DOCK6: variants seen among roughly 807,000 people sequenced by gnomAD.
DOCK6 encodes the protein dedicator of cytokinesis protein 6.
DOCK6 carries 167 observed loss-of-function variants against 230.3 expected under a neutral mutation model. That is an observed-to-expected ratio of 0.73 (90% CI 0.64 to 0.82). The LOEUF (loss-of-function observed/expected upper bound fraction) is 0.82, where lower values mean the gene tolerates loss of function less well. Ranked by LOEUF, DOCK6 falls within the 40% of genes least tolerant of loss-of-function variation. The probability of loss-of-function intolerance (pLI) is 0.00; values close to 1 mark genes in which losing one functional copy is unlikely to be tolerated. For synonymous variants in DOCK6, 1,148 were observed against 1,185.0 expected, an observed-to-expected ratio of 0.97 and a Z score of 0.64; for missense variants, 2,598 against 2,825.8, an observed-to-expected ratio of 0.92 and a Z score of 1.83.
intron 28 of DOCK6, among the ~76,000 whole-genome samples, chr19:11,218,471 A>AG (rs984955154): frequency 6.6e-6 from 1 of 151,800 alleles, no homozygotes; most frequent in Non-Finnish European, 1.5e-5. Flanking sequence ...TTTTTCAGAC[A>AG]GGATCTCACT....
chr19:11,227,407 C>A lies in DOCK6; in HGVS notation c.2885G>T (p.Gly962Val). Residue 962 changes from glycine to valine, a missense_variant, in exon 24 of 48, where the codon GGA becomes GTA. Physicochemically the swap from Gly to Val is moderately radical, Grantham distance 109. Coordinates refer to ENST00000294618, the MANE Select transcript of DOCK6 (RefSeq NM_020812.4). ...LDTPRKLRFPGRFLDDITALV... is the reference protein window; with the variant it reads ...LDTPRKLRFPVRFLDDITALV... The stretch of plus-strand genomic sequence containing the variant: ...GGCAGTGATGTCGTCCAGGAAGCGT[C>A]CGGGGAAGCGCAGCTTGCGGGGTGT... 6.2e-7 allele frequency: 1 copy of A among 1,613,676 alleles called. No homozygotes were observed. Among genetic ancestry groups the A allele is most frequent in the Non-Finnish European group, 8.5e-7 (1 of 1,179,846 alleles).
At chr19:11,216,200 A>C (rs1600875460) in intron 30 of DOCK6, 1 of 253,174 alleles carries the variant, frequency 3.9e-6, no homozygotes. Context: ...CAGGCAATCC[A>C]CCTCAGCCAC....
Position 11,200,510 on chromosome 19 carries a change from C to G in DOCK6, c.5940-41G>C, listed in dbSNP as rs184747709. The G allele has an allele frequency of 1.3e-6, 2 of 1,594,336 alleles. No individual in the cohort carries two copies. Among genetic ancestry groups the G allele is most frequent in the Admixed American group, 3.5e-5 (2 of 57,676 alleles). ...TGGGAGATGCTCAGAGACTCGCACA[C>G]GGGACTGAAAGCAAGACTAGGGGTG... On this transcript the variant is annotated intron_variant, in intron 46 of 47. Transcript: ENST00000294618. The surrounding 1 kb of genome is among the most constrained non-coding windows in gnomAD (Gnocchi z 4.3).
chr19:11,252,290 CCCCCAGGGGGT>C (rs774464238), intron 4 of DOCK6, 42 bp from the exon 5 acceptor site: 2 of 1,568,090 alleles, frequency 1.3e-6, no homozygotes, highest in Admixed American at 3.8e-5. Flanking sequence ...GGGCTGAGGG[CCCCCAGGGGGT>C]CCCCAGTGTG....
rs1361214278 is a variant in DOCK6, at chr19:11,259,909, A to G, written c.44+2488T>C. 2.6e-4 allele frequency among the ~76,000 whole-genome samples: 13 copies of G among 50,962 alleles called. No individual in the cohort carries two copies. In the South Asian group the frequency reaches 8.8e-3, roughly 34 times the overall value. 33.4% of individuals were successfully genotyped at this position (50,962 alleles called of 152,430 possible). Reference sequence around the variant, plus strand: ...TTTTTTTTTTTTTTTTTTGAGACAGAGTCTTACTCTGTCACCCAGGCTGGA... The same window carrying G: ...TTTTTTTTTTTTTTTTTTGAGACAGGGTCTTACTCTGTCACCCAGGCTGGA... On this transcript the variant is annotated intron_variant, in intron 1 of 47. Transcript: ENST00000294618.
Position 11,212,865 on chromosome 19 carries a change from C to CTT in DOCK6, c.4491+309_4491+310dup, listed in dbSNP as rs34049310. Among the ~76,000 whole-genome samples, 383 of 104,458 alleles carry CTT rather than the reference C, an allele frequency of 3.7e-3. 2 individuals are homozygous for CTT. The highest frequency in any genetic ancestry group is 0.016 in the Middle Eastern group (3 of 182). The allele number at this position is 104,458 out of a possible 152,430, so 68.5% of individuals were successfully genotyped here. ...CAGGCATGAGCCACTGTGCCTGGCC[C>CTT]TTTTTTTTTTTTTTTTTTTTTTATT... On this transcript the variant is annotated intron_variant, in intron 35 of 47. Transcript: ENST00000294618.
At chr19:11,210,413 C>A (rs143781802) in intron 37 of DOCK6, among the ~76,000 whole-genome samples, 1 of 149,266 alleles carries the variant, frequency 6.7e-6, no homozygotes, top group East Asian at 2.1e-4. Flanking sequence ...CATCCCTTCA[C>A]CTGTCTCCTT....
chr19:11,223,218 C>G (rs569783776), intron 24 of DOCK6, 112 bp from the exon 25 acceptor site: 1 of 964,900 alleles, frequency 1.0e-6, no homozygotes, highest in Admixed American at 2.6e-5. Context: ...TGCCCCAAAG[C>G]CTTTGTCTGT....
chr19:11,243,345 G>C lies in DOCK6; in HGVS notation c.1299C>G (p.Pro433=). The change falls in exon 12 of 48, where the codon CCC becomes CCG. Residue 433 remains proline, a synonymous_variant. Transcript: ENST00000294618. This position sits in a 1 kb window ranked among gnomAD's most constrained non-coding sequence, Gnocchi z 6.3. ...CGTCCCCACTACTCGCCCGGTCCTG[G>C]GGCCCCCGACGGCGGCGGTCTGTCC... ...PAWTDRRRRG[P]QDRASSGDDA... 1.2e-6 allele frequency: 2 copies of C among 1,600,106 alleles called. No individual in the cohort carries two copies. Among genetic ancestry groups the C allele is most frequent in the Non-Finnish European group, 1.7e-6 (2 of 1,174,048 alleles).
chr19:11,202,317 G>T lies in DOCK6; in HGVS notation c.5451+77C>A, dbSNP rs2079182897. On this transcript the variant is annotated intron_variant, in intron 43 of 47. Transcript: ENST00000294618. This position sits in a 1 kb window ranked among gnomAD's most constrained non-coding sequence, Gnocchi z 5.3. Reference sequence around the variant, plus strand: ...GATTTGGGGTTTCCCAGAGAAAGAGGATTTGAGGGTCCCCAGGAAACAGCA... The same window carrying T: ...GATTTGGGGTTTCCCAGAGAAAGAGTATTTGAGGGTCCCCAGGAAACAGCA... 3.9e-6 allele frequency: 6 copies of T among 1,529,158 alleles called. No homozygotes were observed. The East Asian group carries it at 1.2e-4, about 30-fold the overall frequency. 94.7% of individuals were successfully genotyped at this position (1,529,158 alleles called of 1,614,324 possible).
rs1166743447 is a variant in DOCK6, at chr19:11,201,033, TC to T, written c.5707del (p.Glu1903ArgfsTer36). ...CTTCTGCATGTCCTCGATGGCCACC[TC>T]CACTGGCGTCAGCACCGTCTGTGGG... ...HREETVLTPV[E>X]VAIEDMQKKT... is the part of the protein sequence containing the mutation. On this transcript the variant is annotated frameshift_variant, in exon 45 of 48. Transcript: ENST00000294618. LOFTEE classifies it high-confidence loss of function. The surrounding 1 kb of genome is among the most constrained non-coding windows in gnomAD (Gnocchi z 4.3). The T allele has an allele frequency of 6.2e-7, 1 of 1,613,774 alleles. No homozygotes were observed. Among genetic ancestry groups the T allele is most frequent in the South Asian group, 1.1e-5 (1 of 91,048 alleles).
Position 11,223,007 on chromosome 19 carries a change from C to A in DOCK6, c.3055G>T (p.Ala1019Ser), listed in dbSNP as rs1478403866. The A allele has an allele frequency of 6.2e-7, 1 of 1,613,744 alleles. No homozygotes were observed. Among genetic ancestry groups the A allele is most frequent in the South Asian group, 1.1e-5 (1 of 91,070 alleles). Residue 1019 changes from alanine (A) to serine (S), a missense_variant, in exon 25 of 48, where the codon GCC becomes TCC. Physicochemically the swap from Ala to Ser is moderately conservative, Grantham distance 99. Transcript: ENST00000294618. Reference protein sequence around the residue: ...DRGFVFSLVRAHYKQVATRLQ... With the variant: ...DRGFVFSLVRSHYKQVATRLQ... ...CCCACTCCTACCTGCTTGTAGTGGG[C>A]CCGGACCAGGCTGAAGACAAAGCCC...
chr19:11,200,172 C>T lies in DOCK6; in HGVS notation c.6101+136G>A, dbSNP rs2079144828. 8 of 942,278 alleles carry T rather than the reference C, an allele frequency of 8.5e-6. No individual in the cohort carries two copies. In the Admixed American group the frequency reaches 1.2e-4, roughly 15 times the overall value. The allele number at this position is 942,278 out of a possible 1,614,324, so 58.4% of individuals were successfully genotyped here. A position where few individuals can be genotyped will look rare whatever the true frequency, so the allele number is the denominator to read the frequency against. On this transcript the variant is annotated intron_variant, in intron 47 of 47. Coordinates refer to ENST00000294618, the MANE Select transcript of DOCK6 (RefSeq NM_020812.4). This position sits in a 1 kb window ranked among gnomAD's most constrained non-coding sequence, Gnocchi z 4.3. ...TCAAAAAAAAAAACAAAAAAAAAAC[C>T]GGAAACAAAACAAAGTCCAAGCTAC...
intron 6 of DOCK6, 28 bp from the exon 7 acceptor site, chr19:11,248,179 G>A (rs369220337): frequency 7.0e-7 from 1 of 1,424,900 alleles, no homozygotes; most frequent in East Asian, 2.3e-5. Flanking sequence ...TGGGAGCTGG[G>A]CGGGAGGAGC....
chr19:11,261,748 C>G (rs922604821), intron 1 of DOCK6, among the ~76,000 whole-genome samples: 1 of 152,150 alleles, frequency 6.6e-6, no homozygotes, highest in African/African-American at 2.4e-5. Context: ...CCCCCACTCC[C>G]TCCATTCAAT....
Position 11,227,403 on chromosome 19 carries a change from G to A in DOCK6, c.2889C>T (p.Arg963=). 1.2e-6 allele frequency: 2 copies of A among 1,613,776 alleles called. No homozygotes were observed. The highest frequency in any genetic ancestry group is 1.7e-6 in the Non-Finnish European group (2 of 1,179,876). ...DTPRKLRFPG[R]FLDDITALVG... is the part of the protein sequence containing the mutation. ...CCAAGGCAGTGATGTCGTCCAGGAAGCGTCCGGGGAAGCGCAGCTTGCGGG... is the reference window on the plus strand; with the variant it reads ...CCAAGGCAGTGATGTCGTCCAGGAAACGTCCGGGGAAGCGCAGCTTGCGGG... Residue 963 remains arginine, a synonymous_variant, in exon 24 of 48, where the codon CGC becomes CGT. Transcript: ENST00000294618.
In DOCK6 at chr19:11,202,648, T is replaced by A; in HGVS notation, c.5297A>T (p.Glu1766Val). Residue 1766 changes from glutamate to valine, a missense_variant, in exon 42 of 48, where the codon GAG (glutamate) becomes GTG (valine). By Grantham distance (121) the Glu-to-Val change is moderately radical. Transcript: ENST00000294618. This position sits in a 1 kb window ranked among gnomAD's most constrained non-coding sequence, Gnocchi z 5.3. ...TGGCTCCTTGTACACAAACTCCTGC[T>A]CATCCAGGTCACCGAAGTGGGCGCC... is the stretch of plus-strand genomic sequence containing the variant. Reference protein sequence around the residue: ...FYGAHFGDLDEQEFVYKEPSI... With the variant: ...FYGAHFGDLDVQEFVYKEPSI... 2 of 1,613,996 alleles carry A rather than the reference T, an allele frequency of 1.2e-6. No homozygotes were observed. The highest frequency in any genetic ancestry group is 1.1e-5 in the South Asian group (1 of 91,088).
intron 24 of DOCK6, among the ~76,000 whole-genome samples, chr19:11,224,463 G>A (rs532460389): frequency 3.3e-5 from 5 of 152,040 alleles, no homozygotes; most frequent in African/African-American, 1.2e-4. Flanking sequence ...CGCCCTCCTC[G>A]GCCTCCTAAA....
At position 11,238,097 on chromosome 19, in the gene DOCK6, T is replaced by C; in HGVS notation, c.1780A>G (p.Ser594Gly). 6.2e-7 allele frequency: 1 copy of C among 1,613,980 alleles called. No homozygotes were observed. Among genetic ancestry groups the C allele is most frequent in the South Asian group, 1.1e-5 (1 of 91,086 alleles). Reference sequence around the variant, plus strand: ...GCCTCGCGGGTAAATTCACTGCAGCTGGACTTGCCAAAGATGACCTGGGAG... The same window carrying C: ...GCCTCGCGGGTAAATTCACTGCAGCCGGACTTGCCAAAGATGACCTGGGAG... ...QALPVIFGKS[S>G]CSEFTREAFT... Residue 594 changes from serine to glycine, a missense_variant, in exon 16 of 48, where the codon AGC becomes GGC. Coordinates refer to ENST00000294618, the MANE Select transcript of DOCK6 (RefSeq NM_020812.4).
Sources: allele counts gnomAD v4.1 joint callset (sites outside exome capture counted in the v4.1 genomes callset), GRCh38; gene constraint gnomAD v4.1.1; non-coding constraint Gnocchi (gnomAD v3.1); transcripts MANE v1.5; gene names NCBI Gene and HGNC (gene_info 2026-07-23, HGNC 2026-07-21).